Variants in ZNF714 observed in about 807,000 individuals in gnomAD.
ZNF714 encodes the protein zinc finger protein 714.
In ZNF714, 32 loss-of-function variants were observed where a neutral mutation model predicts 46.2. The observed-to-expected ratio is 0.69, with a 90% CI of 0.52 to 0.93. ZNF714 has a LOEUF of 0.93. ZNF714 is among the 40% of genes least tolerant of loss of function. The pLI is 0.00. For missense variants in ZNF714, 635 were observed against 646.3 expected (o/e 0.98, Z 0.19); for synonymous variants, 199 against 213.1 (o/e 0.93, Z 0.58).
At chr19:21,095,612 G>A (rs577497685) in intron 2 of ZNF714, among the ~76,000 whole-genome samples, 29 of 151,976 alleles carry the variant, frequency 1.9e-4, no homozygotes, top group Admixed American at 3.9e-4. Flanking sequence ...ACAGGCGCCC[G>A]CCACGACACC....
intron 2 of ZNF714, among the ~76,000 whole-genome samples, chr19:21,088,205 C>T (rs1384313400): frequency 1.3e-5 from 2 of 152,116 alleles, no homozygotes; most frequent in Non-Finnish European, 2.9e-5. Flanking sequence ...GCATAAATTT[C>T]TTTTAGTGAA....
intron 2 of ZNF714, 74 bp from the exon 3 acceptor site, chr19:21,098,111 C>G: frequency 6.6e-7 from 1 of 1,524,358 alleles, no homozygotes; most frequent in South Asian, 1.3e-5. Flanking sequence ...CTCATTTCAC[C>G]TTAATTCAAA....
chr19:21,088,288 T>C (rs963280448), intron 2 of ZNF714, among the ~76,000 whole-genome samples: 1 of 152,260 alleles, frequency 6.6e-6, no homozygotes, highest in Non-Finnish European at 1.5e-5. Flanking sequence ...TCCATCTTTT[T>C]AAATAACCAG....
At chr19:21,113,744 A>C (rs1475226591) in intron 4 of ZNF714, among the ~76,000 whole-genome samples, 1 of 152,048 alleles carries the variant, frequency 6.6e-6, no homozygotes, top group Non-Finnish European at 1.5e-5. Flanking sequence ...TCTTGAGTTC[A>C]GGCAATCCAC....
At chr19:21,109,267 G>A (rs1333692743) in intron 4 of ZNF714, among the ~76,000 whole-genome samples, 1 of 152,048 alleles carries the variant, frequency 6.6e-6, no homozygotes, top group East Asian at 1.9e-4. Flanking sequence ...CAACCAGGCT[G>A]GTTTGCAGTG....
In ZNF714 at chr19:21,121,403, T is replaced by A. The variant is rs961893354; in HGVS notation, c.*3071T>A. 7.2e-5 allele frequency: 11 copies of A among 152,148 alleles called. No individual in the cohort carries two copies. Among genetic ancestry groups the A allele is most frequent in the African/African-American group, 2.7e-4 (11 of 41,442 alleles). 9.4% of individuals were successfully genotyped at this position (152,148 alleles called of 1,614,324 possible). On this transcript the variant is annotated 3_prime_UTR_variant, in exon 5 of 5. Transcript: ENST00000456283. ...TGTACAATTGTTATTTACTATAGAG[T>A]TATTTTTATGGTCATAATACAAATT...
At position 21,118,951 on chromosome 19, in the gene ZNF714, CT is replaced by C. The variant is rs112499059; in HGVS notation, c.*620del. On this transcript the variant is annotated 3_prime_UTR_variant, in exon 5 of 5. Coordinates refer to ENST00000456283, the MANE Select transcript of ZNF714 (RefSeq NM_182515.4). Reference sequence around the variant, plus strand: ...ACAATGTGGCAAAACTTAACCAGTGCTCACACCTTATTGCACAGGAAAGCAT... The same window carrying C: ...ACAATGTGGCAAAACTTAACCAGTGCCACACCTTATTGCACAGGAAAGCAT... The C allele has an allele frequency of 0.03, 9,266 of 305,214 alleles. 857 individuals carry two copies. The highest frequency in any genetic ancestry group is 0.2 in the African/African-American group (8,594 of 42,964). The allele number at this position is 305,214 out of a possible 1,614,324, so 18.9% of individuals were successfully genotyped here.
In ZNF714 at chr19:21,089,239, T is replaced by C. The variant is rs542931325; in HGVS notation, c.-85+5170T>C. On this transcript the variant is annotated intron_variant, in intron 2 of 4. Transcript: ENST00000456283. ...AAGAGGTGTTTCCCAAAACAGGGTC[T>C]ATAGTGTCTCTTCTGTTTTTCCCAA... 2.0e-5 allele frequency among the ~76,000 whole-genome samples: 3 copies of C among 152,350 alleles called. No homozygotes were observed. In the East Asian group the frequency reaches 5.8e-4, roughly 29 times the overall value.
chr19:21,096,183 A>G (rs1324136422), intron 2 of ZNF714, among the ~76,000 whole-genome samples: 1 of 152,118 alleles, frequency 6.6e-6, no homozygotes, highest in Non-Finnish European at 1.5e-5. Flanking sequence ...AGGAACATAT[A>G]TTTTTATTTC....
chr19:21,083,528 AT>A (rs1260387605), intron 1 of ZNF714, among the ~76,000 whole-genome samples: 2 of 152,074 alleles, frequency 1.3e-5, no homozygotes, highest in Non-Finnish European at 2.9e-5. Flanking sequence ...AAGATATTAA[AT>A]TTCCAGTTCC....
In ZNF714 at chr19:21,119,158, A is replaced by AC; in HGVS notation, c.*827dup. ...GGTGGCTCAGGCCTATAATCCCAGC[A>AC]CTTTGGTAGGCCAAGGCAGGTGGAT... On this transcript the variant is annotated 3_prime_UTR_variant, in exon 5 of 5. Coordinates refer to ENST00000456283, the MANE Select transcript of ZNF714 (RefSeq NM_182515.4). 2 of 445,154 alleles carry AC rather than the reference A, an allele frequency of 4.5e-6. No individual in the cohort carries two copies. Among genetic ancestry groups the AC allele is most frequent in the Non-Finnish European group, 9.0e-6 (2 of 222,910 alleles). The allele number at this position is 445,154 out of a possible 1,614,324, so 27.6% of individuals were successfully genotyped here.
At chr19:21,113,552 G>C (rs1969514057) in intron 4 of ZNF714, among the ~76,000 whole-genome samples, 2 of 150,516 alleles carry the variant, frequency 1.3e-5, no homozygotes, top group Admixed American at 1.3e-4. Context: ...TGTCACCCAG[G>C]CTGGAGTGCA....
chr19:21,096,927 C>T (rs1313881107), intron 2 of ZNF714, among the ~76,000 whole-genome samples: 3 of 152,038 alleles, frequency 2.0e-5, no homozygotes, highest in South Asian at 2.1e-4. Context: ...AGTGCAGTGG[C>T]GCAATCTCAG....
chr19:21,124,659 G>A lies in ZNF714; in HGVS notation c.*6327G>A, dbSNP rs1287036230. Among the ~76,000 whole-genome samples, 6 of 152,028 alleles carry A rather than the reference G, an allele frequency of 3.9e-5. No individual in the cohort carries two copies. Among genetic ancestry groups the A allele is most frequent in the Non-Finnish European group, 7.4e-5 (5 of 67,984 alleles). On this transcript the variant is annotated 3_prime_UTR_variant, in exon 5 of 5. Coordinates refer to ENST00000456283, the MANE Select transcript of ZNF714 (RefSeq NM_182515.4). ...TTCAAAAATCCAAATACATTATTATGAACTATAGTCACCATGTTGTACAAT... is the reference window on the plus strand; with the variant it reads ...TTCAAAAATCCAAATACATTATTATAAACTATAGTCACCATGTTGTACAAT...
chr19:21,092,943 T>C (rs1968949984), intron 2 of ZNF714, among the ~76,000 whole-genome samples: 1 of 130,994 alleles, frequency 7.6e-6, no homozygotes, highest in Non-Finnish European at 1.6e-5. Context: ...AGAGTCTCGC[T>C]CTGTCAGCCA....
chr19:21,108,573 C>T (rs1049146731), intron 4 of ZNF714, among the ~76,000 whole-genome samples: 3 of 152,134 alleles, frequency 2.0e-5, no homozygotes, highest in Admixed American at 2.0e-4. Flanking sequence ...TCACGCTTGC[C>T]GTCTCTTACC....
At position 21,113,497 on chromosome 19, in the gene ZNF714, C is replaced by T. The variant is rs1045604581; in HGVS notation, c.143-3310C>T. ...TTCCAATTATGTTACAATTTTTTTT[C>T]TTTTCTTTTTTCTTCTTTTTTTTTT... On this transcript the variant is annotated intron_variant, in intron 4 of 4. Transcript: ENST00000456283. 5.2e-5 allele frequency among the ~76,000 whole-genome samples: 7 copies of T among 133,824 alleles called. No homozygotes were observed. The South Asian group carries it at 1.8e-3, about 34-fold the overall frequency. 87.8% of individuals were successfully genotyped at this position (133,824 alleles called of 152,430 possible).
At chr19:21,114,279 A>T (rs1969534364) in intron 4 of ZNF714, among the ~76,000 whole-genome samples, 1 of 152,030 alleles carries the variant, frequency 6.6e-6, no homozygotes, top group Non-Finnish European at 1.5e-5. Context: ...TACTAAAAAT[A>T]CAAAAAATTA....
At chr19:21,109,067 T>C (rs1475016810) in intron 4 of ZNF714, among the ~76,000 whole-genome samples, 1 of 149,790 alleles carries the variant, frequency 6.7e-6, no homozygotes, top group African/African-American at 2.4e-5. Context: ...TACCACCTCA[T>C]CCAATTGTGG....
Sources: allele counts gnomAD v4.1 joint callset (sites outside exome capture counted in the v4.1 genomes callset), GRCh38; gene constraint gnomAD v4.1.1; transcripts MANE v1.5; gene names NCBI Gene and HGNC (gene_info 2026-07-23, HGNC 2026-07-21).